Variants in PRKG1 observed in about 807,000 individuals in gnomAD.
PRKG1 encodes the protein protein kinase cGMP-dependent 1, also known as cGMP-dependent protein kinase 1.
A neutral mutation model predicts 88.1 loss-of-function variants in PRKG1; 35 were observed. The ratio of observed to expected loss-of-function variants is 0.40; its 90% CI spans 0.30 to 0.53. The LOEUF is 0.53. PRKG1 is among the 20% of genes least tolerant of loss of function. The probability of loss-of-function intolerance (pLI) is 0.59; values close to 1 mark genes in which losing one functional copy is unlikely to be tolerated. For missense variants in PRKG1, 540 were observed against 839.8 expected (o/e 0.64, Z 4.41); for synonymous variants, 303 against 292.5 (o/e 1.04, Z -0.37).
intron 2 of PRKG1, among the ~76,000 whole-genome samples, chr10:51,338,794 G>A (rs1317084443): frequency 2.6e-5 from 4 of 152,150 alleles, no homozygotes; most frequent in African/African-American, 2.4e-5. Flanking sequence ...AATATTACCT[G>A]AGGTTGAAAT....
At chr10:51,950,278 C>G (rs1843151640) in intron 5 of PRKG1, among the ~76,000 whole-genome samples, 2 of 152,118 alleles carry the variant, frequency 1.3e-5, no homozygotes, top group South Asian at 4.1e-4. Context: ...TTCTTCTTGA[C>G]AATTAAAAGC....
chr10:51,848,488 G>A (rs1840460755), intron 4 of PRKG1, among the ~76,000 whole-genome samples: 3 of 152,076 alleles, frequency 2.0e-5, no homozygotes, highest in African/African-American at 7.2e-5. Context: ...TTGTTCATAT[G>A]TTGACATATA....
intron 3 of PRKG1, among the ~76,000 whole-genome samples, chr10:51,769,595 T>G (rs1299025353): frequency 6.6e-6 from 1 of 152,210 alleles, no homozygotes; most frequent in Non-Finnish European, 1.5e-5. Context: ...TATGACATAT[T>G]AAGCCTATTT....
At chr10:51,034,682 A>ATATATATG (rs1843331363) in intron 1 of PRKG1, among the ~76,000 whole-genome samples, 1 of 123,230 alleles carries the variant, frequency 8.1e-6, no homozygotes, top group South Asian at 2.5e-4. Context: ...ATATATATAT[A>ATATATATG]TATATATATA....
intron 2 of PRKG1, among the ~76,000 whole-genome samples, chr10:51,402,127 T>C (rs1837756885): frequency 6.6e-6 from 1 of 152,222 alleles, no homozygotes; most frequent in Non-Finnish European, 1.5e-5. Flanking sequence ...GATATATTCA[T>C]TAACATTTAT....
chr10:51,654,143 A>G (rs2132318964), intron 3 of PRKG1, among the ~76,000 whole-genome samples: 1 of 152,044 alleles, frequency 6.6e-6, no homozygotes, highest in South Asian at 2.1e-4. Context: ...TTTCTTCTAG[A>G]GGTTTTATAA....
intron 3 of PRKG1, among the ~76,000 whole-genome samples, chr10:51,635,742 T>C (rs1041566930): frequency 6.6e-6 from 1 of 152,198 alleles, no homozygotes; most frequent in African/African-American, 2.4e-5. Flanking sequence ...GCTCATCAAC[T>C]CAACAGTAAC....
At chr10:51,813,958 G>C (rs1300073900) in intron 4 of PRKG1, among the ~76,000 whole-genome samples, 1 of 152,160 alleles carries the variant, frequency 6.6e-6, no homozygotes, top group African/African-American at 2.4e-5. Flanking sequence ...CATAGGCTCA[G>C]TGAAGGGGCT....
At chr10:51,120,599 TC>T (rs1845238346) in intron 1 of PRKG1, among the ~76,000 whole-genome samples, 1 of 152,124 alleles carries the variant, frequency 6.6e-6, no homozygotes, top group African/African-American at 2.4e-5. Context: ...GCAATGACCA[TC>T]CAGAAATGAC....
chr10:51,084,753 A>G (rs750430436), intron 1 of PRKG1, among the ~76,000 whole-genome samples: 11 of 152,214 alleles, frequency 7.2e-5, no homozygotes, highest in Non-Finnish European at 1.3e-4. Flanking sequence ...TTAAGAAGTA[A>G]CATTGTACTT....
chr10:51,479,427 T>G (rs1294746973), intron 3 of PRKG1, among the ~76,000 whole-genome samples: 1 of 152,082 alleles, frequency 6.6e-6, no homozygotes, highest in Non-Finnish European at 1.5e-5. Flanking sequence ...GTTCTGAATA[T>G]TAGTTGTTTG....
chr10:51,062,067 A>G (rs1843698164), intron 1 of PRKG1, among the ~76,000 whole-genome samples: 1 of 152,200 alleles, frequency 6.6e-6, no homozygotes, highest in South Asian at 2.1e-4. Context: ...GATACTCTGG[A>G]TTATGTGATC....
intron 3 of PRKG1, among the ~76,000 whole-genome samples, chr10:51,557,574 T>C (rs987004020): frequency 5.3e-5 from 8 of 152,064 alleles, no homozygotes; most frequent in Non-Finnish European, 1.0e-4. Context: ...GCTAGTCATA[T>C]ACATTCTTTG....
At chr10:52,199,248 G>A (rs1198456854) in intron 9 of PRKG1, among the ~76,000 whole-genome samples, 3 of 152,192 alleles carry the variant, frequency 2.0e-5, no homozygotes, top group South Asian at 4.1e-4. Flanking sequence ...GGTACTTAAT[G>A]TATTATCCTC....
chr10:51,528,655 A>G (rs1409993669), intron 3 of PRKG1, among the ~76,000 whole-genome samples: 3 of 140,718 alleles, frequency 2.1e-5, no homozygotes, highest in African/African-American at 5.3e-5. Flanking sequence ...AGGCACAGCT[A>G]TCCTTTCTTC....
chr10:51,661,459 C>A (rs1166471738), intron 3 of PRKG1, among the ~76,000 whole-genome samples: 1 of 151,994 alleles, frequency 6.6e-6, no homozygotes, highest in Non-Finnish European at 1.5e-5. Flanking sequence ...ATTTATGCAG[C>A]CAAAAGACAC....
chr10:51,051,688 A>C lies in PRKG1; in HGVS notation c.266+60044A>C, dbSNP rs546203054. Among the ~76,000 whole-genome samples, 52 of 152,302 alleles carry C rather than the reference A, an allele frequency of 3.4e-4. No individual in the cohort carries two copies. The South Asian group carries it at 7.5e-3, about 22-fold the overall frequency. On this transcript the variant is annotated intron_variant, in intron 1 of 17. Transcript: ENST00000401604. ...ATGGTTTTATTAGGCTTTAATGTTT[A>C]CTGTCTATAAATAAACTTAAATAAG...
At chr10:51,392,570 T>C (rs1272966215) in intron 2 of PRKG1, among the ~76,000 whole-genome samples, 1 of 151,912 alleles carries the variant, frequency 6.6e-6, no homozygotes, top group Non-Finnish European at 1.5e-5. Flanking sequence ...TTTCTCAATC[T>C]TTTCCCCACC....
intron 1 of PRKG1, among the ~76,000 whole-genome samples, chr10:51,069,184 T>C (rs1296558735): frequency 1.3e-5 from 2 of 152,048 alleles, no homozygotes; most frequent in East Asian, 1.9e-4. Context: ...TTAGCAATTA[T>C]GGTACAGTAC....
Sources: gnomAD v4.1 joint callset for allele counts (sites outside exome capture counted in the v4.1 genomes callset) on GRCh38, gnomAD v4.1.1 for gene constraint, MANE v1.5 for transcripts, NCBI Gene and HGNC (gene_info 2026-07-23, HGNC 2026-07-21) for gene names.